KLF12: variants seen among roughly 807,000 people sequenced by gnomAD.
The protein encoded by KLF12 is Krueppel-like factor 12.
Under a neutral mutation model 37.8 loss-of-function variants are expected in KLF12, and 9 were observed. The observed-to-expected ratio is 0.24, with a 90% CI of 0.14 to 0.42. The LOEUF (loss-of-function observed/expected upper bound fraction) is 0.42, where lower values mean the gene tolerates loss of function less well. Ranked by LOEUF, KLF12 falls within the 10% of genes least tolerant of loss-of-function variation. KLF12 has a pLI of 1.00. For missense variants in KLF12, 411 were observed against 516.0 expected, an observed-to-expected ratio of 0.80 and a Z score of 1.97; for synonymous variants, 208 against 202.1, an observed-to-expected ratio of 1.03 and a Z score of -0.25.
chr13:74,086,706 A>G (rs73531235), intron 1 of KLF12, among the ~76,000 whole-genome samples: 4,086 of 152,210 alleles, frequency 0.027, 179 homozygotes, highest in African/African-American at 0.088. Context: ...GGGCACAGTG[A>G]AAAATCTTTG....
intron 6 of KLF12, among the ~76,000 whole-genome samples, chr13:73,750,107 CAG>C (rs1469245322): frequency 6.6e-6 from 1 of 152,158 alleles, no homozygotes; most frequent in Non-Finnish European, 1.5e-5. Context: ...CAACGATAAA[CAG>C]AGAAAGGGCA....
At chr13:73,874,059 A>G (rs938465888) in intron 3 of KLF12, among the ~76,000 whole-genome samples, 3 of 152,228 alleles carry the variant, frequency 2.0e-5, no homozygotes, top group African/African-American at 7.2e-5. Flanking sequence ...AGGACTGTTC[A>G]CAGGGGAGAA....
chr13:74,114,787 A>G (rs1421709068), intron 1 of KLF12, among the ~76,000 whole-genome samples: 1 of 152,178 alleles, frequency 6.6e-6, no homozygotes, highest in Non-Finnish European at 1.5e-5. Flanking sequence ...ATAACGTGCT[A>G]TTTCATACAC....
At chr13:74,077,880 T>C (rs1010081804) in intron 1 of KLF12, among the ~76,000 whole-genome samples, 1 of 152,190 alleles carries the variant, frequency 6.6e-6, no homozygotes. Context: ...TATTTTCTCA[T>C]CTATAAGAGG....
At chr13:73,941,160 C>G (rs1314671075) in intron 3 of KLF12, among the ~76,000 whole-genome samples, 1 of 152,212 alleles carries the variant, frequency 6.6e-6, no homozygotes, top group Non-Finnish European at 1.5e-5. Flanking sequence ...AACCAATGTA[C>G]CACCTTCAGG....
chr13:74,113,012 TAGA>T (rs763820664), intron 1 of KLF12, among the ~76,000 whole-genome samples: 70 of 152,290 alleles, frequency 4.6e-4, no homozygotes, highest in Non-Finnish European at 8.4e-4. Context: ...GTGGTCTGGA[TAGA>T]AGCTCAAACC....
chr13:73,857,571 C>T (rs1296465728), intron 3 of KLF12, among the ~76,000 whole-genome samples: 1 of 152,046 alleles, frequency 6.6e-6, no homozygotes, highest in African/African-American at 2.4e-5. Flanking sequence ...AATTTCCTTC[C>T]TGGGGAAATA....
In KLF12 at chr13:73,707,209, A is replaced by G. The variant is rs1875017603; in HGVS notation, c.1027+8159T>C. Among the ~76,000 whole-genome samples the G allele has an allele frequency of 2.0e-5, 3 of 152,278 alleles. 1 individual carries two copies. In the South Asian group the frequency reaches 6.2e-4, roughly 32 times the overall value. ...ATCCTGGCTCTACTGCTTTCCTAAT[A>G]CCTGCCCATGTCCACGTGCCCTAAC... On this transcript the variant is annotated intron_variant, in intron 7 of 7. Transcript: ENST00000377669.
intron 6 of KLF12, among the ~76,000 whole-genome samples, chr13:73,755,959 C>T (rs1239881265): frequency 6.6e-6 from 1 of 152,140 alleles, no homozygotes; most frequent in Non-Finnish European, 1.5e-5. Flanking sequence ...GAGCAGCCTT[C>T]CATACTGTAT....
rs182316929 is a variant in KLF12 at position 73,693,332 on chromosome 13, A to G, written c.*2158T>C. 7.2e-5 allele frequency: 11 copies of G among 152,318 alleles called. No individual in the cohort carries two copies. Among genetic ancestry groups the G allele is most frequent in the African/African-American group, 2.4e-4 (10 of 41,576 alleles). The allele number at this position is 152,318 out of a possible 1,614,324, so 9.4% of individuals were successfully genotyped here. A position where few individuals can be genotyped will look rare whatever the true frequency, so the allele number is the denominator to read the frequency against. On this transcript the variant is annotated 3_prime_UTR_variant, in exon 8 of 8. Transcript: ENST00000377669. Reference sequence around the variant, plus strand: ...TACAAAAAAACTTTCCAGGTGCTAAAAAAAACCCACTGGTTGATGAGTAGT... The same window carrying G: ...TACAAAAAAACTTTCCAGGTGCTAAGAAAAACCCACTGGTTGATGAGTAGT...
intron 6 of KLF12, among the ~76,000 whole-genome samples, chr13:73,764,658 T>G (rs1667869262): frequency 6.6e-6 from 1 of 152,082 alleles, no homozygotes; most frequent in South Asian, 2.1e-4. Context: ...AGGAAAACAT[T>G]CTTTAAAATA....
the KLF12 span, among the ~76,000 whole-genome samples, chr13:74,139,817 T>C: frequency 6.6e-6 from 1 of 152,142 alleles, no homozygotes; most frequent in East Asian, 1.9e-4. Flanking sequence ...TAATCTGCAT[T>C]TTAAAATATA....
chr13:73,695,742 A>C (rs1451890973), intron 7 of KLF12, 71 bp from the exon 8 acceptor site: 1 of 1,414,308 alleles, frequency 7.1e-7, no homozygotes, highest in Non-Finnish European at 9.8e-7. Flanking sequence ...CCAGTACTCT[A>C]TTTTGGGAAA....
chr13:74,202,364 T>C, the KLF12 span, among the ~76,000 whole-genome samples: 1 of 152,082 alleles, frequency 6.6e-6, no homozygotes, highest in African/African-American at 2.4e-5. Context: ...TATGCTCCAC[T>C]ATTCAAGGGA....
At chr13:74,281,295 T>A in the KLF12 span, among the ~76,000 whole-genome samples, 1 of 152,204 alleles carries the variant, frequency 6.6e-6, no homozygotes, top group Admixed American at 6.5e-5. Flanking sequence ...GATGAAGTAG[T>A]TTTGCACTGA....
intron 3 of KLF12, among the ~76,000 whole-genome samples, chr13:73,855,018 T>C (rs1029316236): frequency 6.6e-6 from 1 of 152,226 alleles, no homozygotes; most frequent in African/African-American, 2.4e-5. Flanking sequence ...CAGAGGCAGC[T>C]GCAATGGGTA....
intron 4 of KLF12, among the ~76,000 whole-genome samples, chr13:73,817,790 C>T (rs1883314680): frequency 6.6e-6 from 1 of 152,200 alleles, no homozygotes; most frequent in Non-Finnish European, 1.5e-5. Flanking sequence ...ACCTCCTTTT[C>T]TTTGGCTATA....
intron 6 of KLF12, among the ~76,000 whole-genome samples, chr13:73,737,364 C>T (rs573682546): frequency 7.4e-4 from 113 of 152,270 alleles, no homozygotes; most frequent in African/African-American, 2.6e-3. Context: ...CTTTTCTCAA[C>T]ATTCTTCAAG....
chr13:73,978,002 T>C (rs371424163), intron 2 of KLF12, among the ~76,000 whole-genome samples: 6 of 151,840 alleles, frequency 4.0e-5, no homozygotes, highest in African/African-American at 1.5e-4. Flanking sequence ...AAGTAAAATG[T>C]AAAACTCTAA....
Sources: allele counts gnomAD v4.1 joint callset (sites outside exome capture counted in the v4.1 genomes callset), GRCh38; gene constraint gnomAD v4.1.1; transcripts MANE v1.5; gene names NCBI Gene and HGNC (gene_info 2026-07-23, HGNC 2026-07-21).